The following CTNNA3 variants were observed in gnomAD, a reference collection of about 807,000 sequenced individuals.
CTNNA3 encodes catenin alpha-3.
In CTNNA3, 76 loss-of-function variants were observed where a neutral mutation model predicts 95.7. The observed-to-expected ratio is 0.79, with a 90% confidence interval of 0.66 to 0.96. The LOEUF (loss-of-function observed/expected upper bound fraction) is 0.96. Ranked by LOEUF, CTNNA3 falls within the 40% of genes least tolerant of loss-of-function variation. The pLI is 0.00. For missense variants in CTNNA3, 1,191 were observed against 1,089.8 expected, an observed-to-expected ratio of 1.09 and a Z score of -1.31; for synonymous variants, 431 against 374.4, an observed-to-expected ratio of 1.15 and a Z score of -1.74.
chr10:66,685,287 A>ATATATAAG (rs1847231636), intron 9 of CTNNA3, among the ~76,000 whole-genome samples: 2 of 62,172 alleles, frequency 3.2e-5, no homozygotes, highest in African/African-American at 2.0e-4. Flanking sequence ...ATATATAAGT[A>ATATATAAG]TATATATGTG....
chr10:67,727,013 TATATG>T (rs1424793056), intron 1 of CTNNA3, among the ~76,000 whole-genome samples: 103 of 116,022 alleles, frequency 8.9e-4, no homozygotes, highest in African/African-American at 3.4e-3. Flanking sequence ...ATATGATACA[TATATG>T]ATATAATTAT....
At chr10:66,937,353 A>T (rs964489545) in intron 7 of CTNNA3, among the ~76,000 whole-genome samples, 7 of 152,176 alleles carry the variant, frequency 4.6e-5, no homozygotes, top group Admixed American at 3.9e-4. Flanking sequence ...TTTCATATAT[A>T]ATCTAATACT....
intron 1 of CTNNA3, among the ~76,000 whole-genome samples, chr10:67,663,080 A>G (rs1006216219): frequency 4.6e-5 from 7 of 152,076 alleles, no homozygotes; most frequent in Non-Finnish European, 4.4e-5. Flanking sequence ...ACATCTGTCA[A>G]TTTACAGTAT....
intron 11 of CTNNA3, among the ~76,000 whole-genome samples, chr10:66,507,563 T>C (rs1275238235): frequency 6.6e-6 from 1 of 152,082 alleles, no homozygotes; most frequent in Non-Finnish European, 1.5e-5. Flanking sequence ...CATGAGCTCA[T>C]TGTTTTGCTC....
intron 11 of CTNNA3, among the ~76,000 whole-genome samples, chr10:66,439,302 TC>T (rs2093360004): frequency 6.6e-6 from 1 of 152,144 alleles, no homozygotes; most frequent in Non-Finnish European, 1.5e-5. Context: ...TATTTTCTAA[TC>T]TTTTTCTTAA....
intron 7 of CTNNA3, among the ~76,000 whole-genome samples, chr10:66,848,349 C>G (rs1843355602): frequency 6.6e-6 from 1 of 152,138 alleles, no homozygotes; most frequent in African/African-American, 2.4e-5. Flanking sequence ...ATGATCTAGT[C>G]AGGCTCTGTA....
At chr10:67,302,840 T>C (rs1840380572) in intron 5 of CTNNA3, among the ~76,000 whole-genome samples, 1 of 152,182 alleles carries the variant, frequency 6.6e-6, no homozygotes, top group African/African-American at 2.4e-5. Context: ...GGTGCCAGCA[T>C]TAAACAGATG....
chr10:67,429,296 T>C (rs1232214216), intron 5 of CTNNA3, among the ~76,000 whole-genome samples: 1 of 152,016 alleles, frequency 6.6e-6, no homozygotes, highest in African/African-American at 2.4e-5. Flanking sequence ...CATCCATATT[T>C]CTCCCATATT....
chr10:67,727,749 CTTATA>C (rs1039878117), intron 1 of CTNNA3, among the ~76,000 whole-genome samples: 39 of 124,792 alleles, frequency 3.1e-4, no homozygotes, highest in Non-Finnish European at 4.5e-4. Context: ...TCATAGCTTA[CTTATA>C]TTATATATTA....
chr10:66,934,640 C>T (rs2132654554), intron 7 of CTNNA3, among the ~76,000 whole-genome samples: 1 of 152,196 alleles, frequency 6.6e-6, no homozygotes, highest in Non-Finnish European at 1.5e-5. Context: ...CCTTAATTAG[C>T]TAATTCCTAG....
intron 3 of CTNNA3, among the ~76,000 whole-genome samples, chr10:67,588,500 A>C (rs7077570): frequency 0.4 from 61,131 of 151,598 alleles, 15,876 homozygotes; most frequent in African/African-American, 0.71. Flanking sequence ...ACATTAGGTA[A>C]AGTTATTAGT....
chr10:67,624,783 T>G (rs2055), intron 2 of CTNNA3, among the ~76,000 whole-genome samples: 20,187 of 152,188 alleles, frequency 0.13, 2,400 homozygotes, highest in African/African-American at 0.32. Flanking sequence ...TCTCTCTGCA[T>G]AATCTGGTCA....
At chr10:67,058,659 A>G (rs1855579330) in intron 7 of CTNNA3, among the ~76,000 whole-genome samples, 1 of 152,088 alleles carries the variant, frequency 6.6e-6, no homozygotes, top group South Asian at 2.1e-4. Flanking sequence ...AAGTTTAGGG[A>G]ACATGCTGAT....
rs58775377 is a variant in CTNNA3 at position 66,873,378 on chromosome 10, GTTT to G, written c.1048-97857_1048-97855del. Among the ~76,000 whole-genome samples, 131 of 149,194 alleles carry G rather than the reference GTTT, an allele frequency of 8.8e-4. 1 individual carries two copies. The Middle Eastern group carries it at 0.028, about 31-fold the overall frequency. On this transcript the variant is annotated intron_variant, in intron 7 of 17. Transcript: ENST00000433211. ...TGGTTTTTTTGTTTGTTTGTTTTTT[GTTT>G]TTTTTTTACTTTTTAATAATAGCCA...
intron 5 of CTNNA3, among the ~76,000 whole-genome samples, chr10:67,521,297 T>G (rs200138382): frequency 1.3e-5 from 2 of 152,204 alleles, no homozygotes; most frequent in East Asian, 3.8e-4. Context: ...TCTAGGGGCC[T>G]ACAAAAGGAG....
At chr10:66,439,211 AATACTT>A (rs1327403170) in intron 11 of CTNNA3, among the ~76,000 whole-genome samples, 2 of 152,190 alleles carry the variant, frequency 1.3e-5, no homozygotes, top group African/African-American at 4.8e-5. Flanking sequence ...TATAAGATAA[AATACTT>A]ATAAAGAAAT....
intron 7 of CTNNA3, among the ~76,000 whole-genome samples, chr10:66,858,703 G>T (rs1843780652): frequency 6.6e-6 from 1 of 151,860 alleles, no homozygotes. Flanking sequence ...GGTATTTGCA[G>T]TTTTTGTACT....
intron 5 of CTNNA3, among the ~76,000 whole-genome samples, chr10:67,497,617 T>C (rs1839069126): frequency 6.6e-6 from 1 of 152,252 alleles, no homozygotes; most frequent in South Asian, 2.1e-4. Context: ...TTTTTAAAGA[T>C]AGCCATTCTA....
intron 17 of CTNNA3, among the ~76,000 whole-genome samples, chr10:65,953,419 A>C (rs554553463): frequency 1.3e-5 from 2 of 151,404 alleles, no homozygotes; most frequent in Non-Finnish European, 1.5e-5. Flanking sequence ...AAGTTCTAGG[A>C]TACATGTGCA....
Sources: allele counts gnomAD v4.1 joint callset (sites outside exome capture counted in the v4.1 genomes callset), GRCh38; gene constraint gnomAD v4.1.1; transcripts MANE v1.5; gene names NCBI Gene and HGNC (gene_info 2026-07-23, HGNC 2026-07-21).